MVB12A: variants seen among roughly 807,000 people sequenced by gnomAD.
The protein encoded by MVB12A is multivesicular body subunit 12A, also known as CIN85/CD2AP family binding protein.
In MVB12A, 30 loss-of-function variants were observed where a neutral mutation model predicts 34.3. The ratio of observed to expected loss-of-function variants is 0.88; its 90% CI spans 0.65 to 1.19. MVB12A has a LOEUF of 1.19. MVB12A is among the 50% of genes most tolerant of loss of function. MVB12A has a pLI of 0.00. For missense variants in MVB12A, 355 were observed against 369.2 expected (o/e 0.96, Z 0.31); for synonymous variants, 158 against 158.9 (o/e 0.99, Z 0.04).
intron 2 of MVB12A, among the ~76,000 whole-genome samples, chr19:17,412,127 G>A (rs2074772962): frequency 6.6e-6 from 1 of 152,218 alleles, no homozygotes; most frequent in South Asian, 2.1e-4. Flanking sequence ...AGTGTCAGAG[G>A]TGCCACCAGA....
intron 2 of MVB12A, among the ~76,000 whole-genome samples, chr19:17,406,534 CT>C (rs1243529262): frequency 6.6e-6 from 1 of 150,552 alleles, no homozygotes; most frequent in African/African-American, 2.4e-5. Context: ...GTTTTTTTTT[CT>C]TTTCAGCAGG....
chr19:17,423,510 C>A lies in MVB12A; in HGVS notation c.426C>A (p.Gly142=). The A allele has an allele frequency of 6.2e-7, 1 of 1,612,976 alleles. No individual in the cohort carries two copies. The highest frequency in any genetic ancestry group is 1.1e-5 in the South Asian group (1 of 91,052). ...PGYLRIGDMG[G]FAIWCKKAKA... is the part of the protein sequence containing the mutation. ...CCTCCTGGTCCAGGGACATGGGCGG[C>A]TTTGCCATCTGGTGCAAGAAGGCCA... The change falls in exon 5 of 9, where the codon GGC becomes GGA. Residue 142 remains glycine, a synonymous_variant. Transcript: ENST00000317040.
At chr19:17,414,273 TC>T (rs2074786200) in intron 2 of MVB12A, 1 of 98,786 alleles carries the variant, frequency 1.0e-5, no homozygotes, top group African/African-American at 4.9e-5. Context: ...AGAACAAGAC[TC>T]TGTCTCAAAA....
chr19:17,420,212 G>C lies in MVB12A; in HGVS notation c.77G>C (p.Arg26Pro). ...TCGTCGGCCTCTGCACCCCCGCCGC[G>C]GGGGTTCAGCGCGGTGAGCGGCGTC... is the stretch of plus-strand genomic sequence containing the variant. Reference protein sequence around the residue: ...AWSSASAPPPRGFSAISCTVE... With the variant: ...AWSSASAPPPPGFSAISCTVE... The change falls in exon 1 of 9, where the codon CGG becomes CCG. Residue 26 changes from arginine to proline, a missense_variant. Coordinates refer to ENST00000317040, the MANE Select transcript of MVB12A (RefSeq NM_138401.4). 6.8e-7 allele frequency: 1 copy of C among 1,474,934 alleles called. No individual in the cohort carries two copies. The allele number at this position is 1,474,934 out of a possible 1,614,324, so 91.4% of individuals were successfully genotyped here. A position where few individuals can be genotyped will look rare whatever the true frequency, so the allele number is the denominator to read the frequency against.
chr19:17,417,213 CTTTTTTTTTTT>C (rs35583565), upstream of MVB12A: 1,169 of 96,924 alleles, frequency 0.012, 2 homozygotes, highest in South Asian at 0.065. Flanking sequence ...TCACCCAGAG[CTTTTTTTTTTT>C]TTTTTTTTTT....
In MVB12A at chr19:17,420,084, C is replaced by A; in HGVS notation, c.-52C>A. The A allele has an allele frequency of 8.2e-7, 1 of 1,213,584 alleles. No homozygotes were observed. Among genetic ancestry groups the A allele is most frequent in the Non-Finnish European group, 1.0e-6 (1 of 967,646 alleles). 75.2% of individuals were successfully genotyped at this position (1,213,584 alleles called of 1,614,324 possible). A position where few individuals can be genotyped will look rare whatever the true frequency, so the allele number is the denominator to read the frequency against. On this transcript the variant is annotated 5_prime_UTR_variant, in exon 1 of 9. Coordinates refer to ENST00000317040, the MANE Select transcript of MVB12A (RefSeq NM_138401.4). ...CGAGCGCTGCCGTCGGGAGGCGCTC[C>A]GAGGTTCGAGGCTGTGCCCCGCGAC...
intron 4 of MVB12A, 117 bp from the exon 5 acceptor site, chr19:17,423,381 T>G: frequency 9.0e-7 from 1 of 1,108,428 alleles, no homozygotes; most frequent in Non-Finnish European, 1.2e-6. Flanking sequence ...AAAAAAAAAA[T>G]TCCCCCAAAA....
chr19:17,412,204 TC>T (rs1168603410), intron 2 of MVB12A, among the ~76,000 whole-genome samples: 2 of 152,178 alleles, frequency 1.3e-5, no homozygotes, highest in Non-Finnish European at 2.9e-5. Context: ...TCAAATTCCA[TC>T]ATGGCGAACC....
chr19:17,424,178 G>A, intron 7 of MVB12A, 111 bp downstream of exon 7: 2 of 1,072,514 alleles, frequency 1.9e-6, no homozygotes, highest in South Asian at 1.3e-5. Flanking sequence ...CTGGGTTGGG[G>A]CTGGAGTGTG....
At chr19:17,420,869 C>A in intron 3 of MVB12A, 1 of 668,996 alleles carries the variant, frequency 1.5e-6, no homozygotes, top group Non-Finnish European at 2.7e-6. Flanking sequence ...GTGTTCAGTC[C>A]ACGCCACCTG....
Position 17,420,542 on chromosome 19 carries a change from C to T in MVB12A, c.194C>T (p.Pro65Leu). The change falls in exon 3 of 9, where the codon CCG becomes CTG. Residue 65 changes from proline (P) to leucine (L), a missense_variant. Pro to Leu is a moderately conservative substitution (Grantham distance 98). Transcript: ENST00000317040. ...GTGTCCCCCTTCCACCCCCAGAACC[C>T]GCAGGAGAACGTGGTGGCCGATATC... ...CLSSLGSLEN[P>L]QENVVADIQI... The T allele has an allele frequency of 1.9e-6, 3 of 1,613,532 alleles. No individual in the cohort carries two copies. The highest frequency in any genetic ancestry group is 2.5e-6 in the Non-Finnish European group (3 of 1,179,464).
intron 2 of MVB12A, among the ~76,000 whole-genome samples, chr19:17,410,535 C>T (rs1297400466): frequency 3.4e-4 from 22 of 65,230 alleles, no homozygotes; most frequent in East Asian, 7.8e-4. Flanking sequence ...TATATACACA[C>T]ACACATATAT....
chr19:17,423,734 C>T lies in MVB12A; in HGVS notation c.575C>T (p.Ser192Phe), dbSNP rs768842856. 1 of 1,614,004 alleles carries T rather than the reference C, an allele frequency of 6.2e-7. No individual in the cohort carries two copies. The highest frequency in any genetic ancestry group is 2.2e-5 in the East Asian group (1 of 44,890). The change falls in exon 6 of 9, where the codon TCT becomes TTT. Residue 192 changes from serine to phenylalanine, a missense_variant. Transcript: ENST00000317040. ...GAGCGGACAGCGTCAAGGCTGGGCT[C>T]TCGGGCATCCACTCTGCGGAGGAAT... ...LLERTASRLGSRASTLRRNDS... is the reference protein window; with the variant it reads ...LLERTASRLGFRASTLRRNDS...
intron 2 of MVB12A, among the ~76,000 whole-genome samples, chr19:17,410,525 TATATAC>T (rs1418478179): frequency 1.3e-4 from 10 of 75,146 alleles, no homozygotes; most frequent in African/African-American, 6.6e-4. Flanking sequence ...TATATATATA[TATATAC>T]ACACACACAT....
chr19:17,416,291 T>C (rs1365357810), upstream of MVB12A, among the ~76,000 whole-genome samples: 1 of 151,358 alleles, frequency 6.6e-6, no homozygotes, highest in East Asian at 1.9e-4. Context: ...TTTGTATTTT[T>C]AGTAGAGACA....
At chr19:17,420,016 C>CGGGGGGGGGGG, upstream of MVB12A, 2 of 290,398 alleles carry the variant, frequency 6.9e-6, no homozygotes, top group Non-Finnish European at 1.1e-5. Flanking sequence ...GCAATCTCCG[C>CGGGGGGGGGGG]CCCCCCCCCC....
intron 2 of MVB12A, among the ~76,000 whole-genome samples, chr19:17,409,327 C>T (rs112964976): frequency 0.038 from 5,753 of 150,568 alleles, 171 homozygotes; most frequent in African/African-American, 0.085. Context: ...GACGGGGTTT[C>T]GACATGTTGG....
chr19:17,417,062 G>GGTC (rs1715408786), upstream of MVB12A: 1 of 415,956 alleles, frequency 2.4e-6, no homozygotes. Context: ...TTTTTTCCAG[G>GGTC]CAACTTTAGC....
At chr19:17,407,321 G>A (rs923677552) in intron 2 of MVB12A, among the ~76,000 whole-genome samples, 3 of 152,154 alleles carry the variant, frequency 2.0e-5, no homozygotes, top group Non-Finnish European at 2.9e-5. Context: ...GACACAAGAC[G>A]AAGAGATAAA....
Sources: gnomAD v4.1 joint callset for allele counts (sites outside exome capture counted in the v4.1 genomes callset) on GRCh38, gnomAD v4.1.1 for gene constraint, MANE v1.5 for transcripts, NCBI Gene and HGNC (gene_info 2026-07-23, HGNC 2026-07-21) for gene names.